Variants in MAP3K15 observed in about 807,000 individuals in gnomAD.
The protein encoded by MAP3K15 is MAPK/ERK kinase kinase 15.
Under a neutral mutation model 99.5 loss-of-function variants are expected in MAP3K15, and 124 were observed. The observed-to-expected ratio is 1.25, with a 90% CI of 1.08 to 1.45. The LOEUF (loss-of-function observed/expected upper bound fraction) is 1.45, where lower values mean the gene tolerates loss of function less well. MAP3K15 is among the 40% of genes most tolerant of loss of function. The pLI is 0.00. For missense variants in MAP3K15, 1,242 were observed against 1,079.7 expected, an observed-to-expected ratio of 1.15 and a Z score of -2.11; for synonymous variants, 494 against 439.6, an observed-to-expected ratio of 1.12 and a Z score of -1.55.
intron 14 of MAP3K15, among the ~76,000 whole-genome samples, chrX:19,400,157 G>C (rs1437556900): frequency 8.9e-6 from 1 of 111,940 alleles, no homozygotes; most frequent in East Asian, 2.8e-4. Flanking sequence ...AAGAGCTGAT[G>C]AGCCTACTTT....
In MAP3K15 at chrX:19,503,795, G is replaced by A. The variant is rs749312467; in HGVS notation, c.361+11106C>T. Among the ~76,000 whole-genome samples, 4 of 109,930 alleles carry A rather than the reference G, an allele frequency of 3.6e-5. No homozygotes were observed. The East Asian group carries it at 1.2e-3, about 32-fold the overall frequency. ...GCAGGAGCAAATGCACATGTGGGCT[G>A]AGCCCACTAAAATAAGTTGAAACAA... On this transcript the variant is annotated intron_variant, in intron 1 of 28. Transcript: ENST00000338883.
chrX:19,402,085 C>G lies in MAP3K15; in HGVS notation c.1845-1422G>C, dbSNP rs111494530. ...GGAAGACTGCTTGAGGCCAGGAGTT[C>G]GAGACCAACCTGGGCAACGTGGCCG... On this transcript the variant is annotated intron_variant, in intron 13 of 28. Coordinates refer to ENST00000338883, the MANE Select transcript of MAP3K15 (RefSeq NM_001001671.4). Among the ~76,000 whole-genome samples the G allele has an allele frequency of 7.3e-5, 8 of 108,997 alleles. No homozygotes were observed. In the South Asian group the frequency reaches 3.2e-3, roughly 44 times the overall value. 94.7% of individuals were successfully genotyped at this position (108,997 alleles called of 115,157 possible). A position where few individuals can be genotyped will look rare whatever the true frequency, so the allele number is the denominator to read the frequency against.
intron 6 of MAP3K15, among the ~76,000 whole-genome samples, chrX:19,443,371 T>C (rs758418552): frequency 2.7e-5 from 3 of 111,585 alleles, no homozygotes; most frequent in Non-Finnish European, 1.9e-5. Flanking sequence ...ACTCTGTGGG[T>C]GGCACAATGT....
intron 3 of MAP3K15, among the ~76,000 whole-genome samples, chrX:19,465,938 C>T (rs2064165887): frequency 9.2e-6 from 1 of 108,763 alleles, no homozygotes; most frequent in African/African-American, 3.4e-5. Context: ...GGAACAAAGA[C>T]TCTCTGTTCC....
chrX:19,450,564 TTTTTTA>T (rs1450317282), intron 6 of MAP3K15, among the ~76,000 whole-genome samples: 1 of 109,680 alleles, frequency 9.1e-6, no homozygotes, highest in African/African-American at 3.3e-5. Context: ...ACACGTGTAA[TTTTTTA>T]TTTTTATTTT....
chrX:19,392,510 G>A, intron 16 of MAP3K15, 37 bp from the exon 17 acceptor site: 1 of 1,187,491 alleles, frequency 8.4e-7, no homozygotes, highest in South Asian at 1.8e-5. Flanking sequence ...ATCAGGAAGA[G>A]AAAGTTTCAA....
intron 6 of MAP3K15, among the ~76,000 whole-genome samples, chrX:19,436,689 C>A (rs779162579): frequency 2.7e-5 from 3 of 110,817 alleles, no homozygotes; most frequent in African/African-American, 9.8e-5. Context: ...TTTTTTTTGT[C>A]CCCCTCAGAC....
chrX:19,368,977 C>A, intron 25 of MAP3K15, 77 bp downstream of exon 25: 2 of 1,027,328 alleles, frequency 1.9e-6, no homozygotes, highest in Non-Finnish European at 1.3e-6. Flanking sequence ...AACAATAAAG[C>A]CAATTAATCA....
intron 13 of MAP3K15, among the ~76,000 whole-genome samples, chrX:19,403,994 A>G (rs761134086): frequency 1.1e-3 from 128 of 111,937 alleles, no homozygotes; most frequent in African/African-American, 3.9e-3. Context: ...CCCTATTTCT[A>G]TTCCACATTG....
intron 16 of MAP3K15, among the ~76,000 whole-genome samples, chrX:19,394,313 A>G (rs1671953608): frequency 9.0e-6 from 1 of 111,478 alleles, no homozygotes; most frequent in African/African-American, 3.3e-5. Flanking sequence ...TGTTACTCCA[A>G]TAATTATTAC....
At chrX:19,511,267 C>T in intron 1 of MAP3K15, among the ~76,000 whole-genome samples, 1 of 112,168 alleles carries the variant, frequency 8.9e-6, no homozygotes, top group East Asian at 2.8e-4. Flanking sequence ...TGGGCAAGGA[C>T]TTCATGGCTT....
At chrX:19,463,479 T>C (rs1298242631) in intron 4 of MAP3K15, among the ~76,000 whole-genome samples, 1 of 111,901 alleles carries the variant, frequency 8.9e-6, no homozygotes, top group Non-Finnish European at 1.9e-5. Flanking sequence ...CTTACAGGAA[T>C]AAATCCTTTA....
intron 3 of MAP3K15, among the ~76,000 whole-genome samples, chrX:19,474,436 T>C (rs552110086): frequency 2.5e-4 from 26 of 105,243 alleles, no homozygotes; most frequent in South Asian, 8.7e-4. Context: ...CATTAGATGA[T>C]AGAGGCTTAA....
intron 4 of MAP3K15, among the ~76,000 whole-genome samples, chrX:19,461,216 T>C (rs1056682131): frequency 8.9e-6 from 1 of 112,011 alleles, no homozygotes; most frequent in Non-Finnish European, 1.9e-5. Context: ...CCTGACCTCG[T>C]GATCCACCCG....
chrX:19,405,896 G>A (rs760053848), intron 13 of MAP3K15, among the ~76,000 whole-genome samples: 3 of 112,450 alleles, frequency 2.7e-5, no homozygotes, highest in Non-Finnish European at 5.6e-5. Context: ...TCCTATGGCT[G>A]TAAATATTTT....
intron 5 of MAP3K15, among the ~76,000 whole-genome samples, chrX:19,458,965 G>A (rs749048471): frequency 4.5e-5 from 5 of 111,782 alleles, no homozygotes; most frequent in Non-Finnish European, 5.6e-5. Flanking sequence ...GAGAGGAAAC[G>A]CTCAATTTCC....
At chrX:19,416,391 G>C (rs970611352) in intron 9 of MAP3K15, among the ~76,000 whole-genome samples, 1 of 110,624 alleles carries the variant, frequency 9.0e-6, no homozygotes, top group African/African-American at 3.3e-5. Context: ...TTTTGCATGA[G>C]AAGTTCGTCT....
intron 28 of MAP3K15, 147 bp from the exon 29 acceptor site, chrX:19,360,980 A>G: frequency 2.2e-6 from 1 of 447,712 alleles, no homozygotes; most frequent in Admixed American, 4.1e-5. Flanking sequence ...GTAGTAGGAC[A>G]TGGCCTTAGA....
intron 20 of MAP3K15, 39 bp from the exon 21 acceptor site, chrX:19,373,734 G>A (rs1397493883): frequency 8.5e-7 from 1 of 1,173,337 alleles, no homozygotes; most frequent in African/African-American, 1.8e-5. Context: ...GGGAGACTCA[G>A]AGAGGGACGG....
Sources: allele counts gnomAD v4.1 joint callset (sites outside exome capture counted in the v4.1 genomes callset), GRCh38; gene constraint gnomAD v4.1.1; transcripts MANE v1.5; gene names NCBI Gene and HGNC (gene_info 2026-07-23, HGNC 2026-07-21).